DNAJC15: variants seen among roughly 807,000 people sequenced by gnomAD.
DNAJC15 encodes dnaJ homolog subfamily C member 15.
In DNAJC15, 27 loss-of-function variants were observed where a neutral mutation model predicts 22.4. The ratio of observed to expected loss-of-function variants is 1.20; its 90% confidence interval spans 0.89 to 1.66. The LOEUF is 1.66. Ranked by LOEUF, DNAJC15 falls within the 40% of genes most tolerant of loss-of-function variation. The pLI is 0.00. For synonymous variants in DNAJC15, 79 were observed against 63.2 expected, an observed-to-expected ratio of 1.25 and a Z score of -1.19; for missense variants, 208 against 187.1, an observed-to-expected ratio of 1.11 and a Z score of -0.65.
chr13:43,066,240 A>C (rs2040583168), intron 2 of DNAJC15, among the ~76,000 whole-genome samples: 1 of 150,198 alleles, frequency 6.7e-6, no homozygotes, highest in South Asian at 2.1e-4. Context: ...GTTTTTCGAA[A>C]GAATAGTTCT....
chr13:43,105,807 T>C (rs2040793927), intron 5 of DNAJC15, among the ~76,000 whole-genome samples: 1 of 152,182 alleles, frequency 6.6e-6, no homozygotes, highest in Non-Finnish European at 1.5e-5. Context: ...ACATTGACAT[T>C]ACCTAATTCC....
intron 3 of DNAJC15, among the ~76,000 whole-genome samples, chr13:43,074,452 T>C (rs2040623273): frequency 6.6e-6 from 1 of 152,230 alleles, no homozygotes; most frequent in Non-Finnish European, 1.5e-5. Context: ...TTACTCCATC[T>C]ATTTGATGGT....
At position 43,108,929 on chromosome 13, in the gene DNAJC15, C is replaced by G. The variant is rs1331154941; in HGVS notation, c.*1681C>G. ...TCCCCATACGTGTCCTACTAATTTT[C>G]TCATGCTTTAGTGTTTTCACTTTTC... On this transcript the variant is annotated 3_prime_UTR_variant, in exon 6 of 6. Transcript: ENST00000379221. 1 of 152,164 alleles carries G rather than the reference C, an allele frequency of 6.6e-6. No homozygotes were observed. Among genetic ancestry groups the G allele is most frequent in the Non-Finnish European group, 1.5e-5 (1 of 68,030 alleles). The allele number at this position is 152,164 out of a possible 1,614,324, so 9.4% of individuals were successfully genotyped here. A position where few individuals can be genotyped will look rare whatever the true frequency, so the allele number is the denominator to read the frequency against.
At chr13:43,045,033 A>G (rs1395336308) in intron 1 of DNAJC15, among the ~76,000 whole-genome samples, 2 of 142,812 alleles carry the variant, frequency 1.4e-5, no homozygotes, top group South Asian at 2.2e-4. Flanking sequence ...GAGAAAAGCT[A>G]GTCTTTATGT....
In DNAJC15 at chr13:43,045,854, G is replaced by A. The variant is rs185273301; in HGVS notation, c.109-19832G>A. Among the ~76,000 whole-genome samples the A allele has an allele frequency of 1.9e-3, 282 of 152,206 alleles. 1 individual carries two copies. The highest frequency in any genetic ancestry group is 1.8e-3 in the Non-Finnish European group (123 of 68,026). On this transcript the variant is annotated intron_variant, in intron 1 of 5. Transcript: ENST00000379221. ...TTTTTTCCATAGCACAAATCACTGC[G>A]TAAAATAATTATATATTTTTCCTGT...
intron 5 of DNAJC15, among the ~76,000 whole-genome samples, chr13:43,089,082 GT>G (rs2040702422): frequency 6.6e-6 from 1 of 152,082 alleles, no homozygotes; most frequent in African/African-American, 2.4e-5. Flanking sequence ...AAATTCGTAA[GT>G]TTTTTTGGTG....
At chr13:43,053,027 A>G (rs879510402) in intron 1 of DNAJC15, among the ~76,000 whole-genome samples, 4 of 152,076 alleles carry the variant, frequency 2.6e-5, no homozygotes, top group Admixed American at 2.6e-4. Flanking sequence ...TATCTTCTAT[A>G]ATTTTTATGC....
chr13:43,094,274 G>T (rs2040729187), intron 5 of DNAJC15, among the ~76,000 whole-genome samples: 1 of 152,060 alleles, frequency 6.6e-6, no homozygotes, highest in South Asian at 2.1e-4. Context: ...TCCAAATGTT[G>T]ATGTATTTCA....
chr13:43,097,625 A>G lies in DNAJC15; in HGVS notation c.383-9553A>G, dbSNP rs560751143. Among the ~76,000 whole-genome samples, 19 of 152,078 alleles carry G rather than the reference A, an allele frequency of 1.2e-4. No homozygotes were observed. The South Asian group carries it at 4.0e-3, about 32-fold the overall frequency. ...TGTTTTGGATGAGGGTTGTTGTAGT[A>G]GAGGAGGTAAAGGGGAAAAAAAAAG... On this transcript the variant is annotated intron_variant, in intron 5 of 5. Transcript: ENST00000379221.
chr13:43,080,708 C>T (rs920765284), intron 4 of DNAJC15, among the ~76,000 whole-genome samples: 1 of 152,166 alleles, frequency 6.6e-6, no homozygotes, highest in African/African-American at 2.4e-5. Context: ...TAATATTCTG[C>T]CTTGTTGGAA....
chr13:43,079,041 A>T (rs1264620069), intron 4 of DNAJC15, among the ~76,000 whole-genome samples: 3 of 152,130 alleles, frequency 2.0e-5, no homozygotes, highest in African/African-American at 7.2e-5. Context: ...ATAATCCAGG[A>T]TATGTTTCAT....
chr13:43,050,806 T>C (rs1161620728), intron 1 of DNAJC15, among the ~76,000 whole-genome samples: 1 of 152,190 alleles, frequency 6.6e-6, no homozygotes, highest in Non-Finnish European at 1.5e-5. Context: ...GAATAAGGAA[T>C]TTTAATTCCA....
intron 1 of DNAJC15, among the ~76,000 whole-genome samples, chr13:43,033,885 G>A (rs1189160099): frequency 6.6e-6 from 1 of 151,890 alleles, no homozygotes; most frequent in East Asian, 1.9e-4. Flanking sequence ...AAAATTAGCC[G>A]GGCATGGTAG....
intron 1 of DNAJC15, among the ~76,000 whole-genome samples, chr13:43,055,490 G>A (rs1229607429): frequency 2.0e-5 from 3 of 152,162 alleles, no homozygotes; most frequent in African/African-American, 4.8e-5. Context: ...AAGTCTGTGT[G>A]TGTAGTGTGT....
chr13:43,028,554 T>A (rs2040390716), intron 1 of DNAJC15, among the ~76,000 whole-genome samples: 1 of 152,250 alleles, frequency 6.6e-6, no homozygotes, highest in African/African-American at 2.4e-5. Flanking sequence ...TCCCTTTTTA[T>A]GAGTTTAACA....
intron 4 of DNAJC15, among the ~76,000 whole-genome samples, chr13:43,083,792 A>G (rs2040674910): frequency 1.3e-5 from 2 of 152,192 alleles, no homozygotes; most frequent in Admixed American, 6.5e-5. Flanking sequence ...TAACCAGACA[A>G]TGTTTAATTG....
intron 1 of DNAJC15, among the ~76,000 whole-genome samples, chr13:43,032,062 A>G (rs1287272784): frequency 6.6e-6 from 1 of 152,214 alleles, no homozygotes; most frequent in Non-Finnish European, 1.5e-5. Context: ...ACCACTCTAC[A>G]TTAATTGGAA....
intron 1 of DNAJC15, among the ~76,000 whole-genome samples, chr13:43,038,418 A>C (rs2040438187): frequency 6.6e-6 from 1 of 152,222 alleles, no homozygotes; most frequent in Non-Finnish European, 1.5e-5. Flanking sequence ...CCAGAGGAAA[A>C]GCTGAAAGAG....
At chr13:43,043,867 G>C (rs2040464795) in intron 1 of DNAJC15, among the ~76,000 whole-genome samples, 1 of 152,144 alleles carries the variant, frequency 6.6e-6, no homozygotes, top group South Asian at 2.1e-4. Flanking sequence ...AAATGTATTT[G>C]CTTTTGGCAA....
Sources: allele counts gnomAD v4.1 joint callset (sites outside exome capture counted in the v4.1 genomes callset), GRCh38; gene constraint gnomAD v4.1.1; transcripts MANE v1.5; gene names NCBI Gene and HGNC (gene_info 2026-07-23, HGNC 2026-07-21).